PTPRD: variants seen among roughly 807,000 people sequenced by gnomAD.
PTPRD encodes the protein protein tyrosine phosphatase receptor type D, also known as receptor-type tyrosine-protein phosphatase delta.
PTPRD carries 34 observed loss-of-function variants against 214.5 expected under a neutral mutation model. The observed-to-expected ratio is 0.16, with a 90% CI of 0.12 to 0.21. PTPRD has a LOEUF of 0.21. Among genes scored for constraint, PTPRD ranks in the 10% least tolerant of loss-of-function variants. The pLI is 1.00. For synonymous variants in PTPRD, 1,128 were observed against 845.7 expected (o/e 1.33, Z -5.79); for missense variants, 2,545 against 2,398.7 (o/e 1.06, Z -1.27).
At chr9:10,083,200 G>A (rs1042184851) in intron 3 of PTPRD, among the ~76,000 whole-genome samples, 1 of 151,832 alleles carries the variant, frequency 6.6e-6, no homozygotes. Context: ...TATTTCTTAT[G>A]ATAGAGCCTA....
intron 2 of PTPRD, among the ~76,000 whole-genome samples, chr9:10,546,242 T>C (rs569772178): frequency 1.2e-4 from 18 of 152,198 alleles, no homozygotes; most frequent in East Asian, 7.7e-4. Context: ...GGAAAGTAGC[T>C]GTTCTTAGTT....
chr9:9,485,908 T>G (rs1392077533), intron 8 of PTPRD, among the ~76,000 whole-genome samples: 1 of 151,936 alleles, frequency 6.6e-6, no homozygotes, highest in Non-Finnish European at 1.5e-5. Context: ...ATCCCAGCAC[T>G]TTGGGAGGCC....
At chr9:8,976,923 T>A (rs2099271074) in intron 11 of PTPRD, among the ~76,000 whole-genome samples, 1 of 152,094 alleles carries the variant, frequency 6.6e-6, no homozygotes, top group Non-Finnish European at 1.5e-5. Context: ...CTGACTTTTC[T>A]TCAAAGCTTC....
chr9:9,494,290 T>TAAA (rs1356907435), intron 8 of PTPRD, among the ~76,000 whole-genome samples: 3 of 152,334 alleles, frequency 2.0e-5, no homozygotes, highest in Admixed American at 2.0e-4. Flanking sequence ...AGCAGTGACA[T>TAAA]GATTTGAGAA....
chr9:8,471,919 G>A (rs976238171), intron 30 of PTPRD, among the ~76,000 whole-genome samples: 1 of 152,078 alleles, frequency 6.6e-6, no homozygotes, highest in Non-Finnish European at 1.5e-5. Flanking sequence ...CTGATCTTTA[G>A]TAGTAACTAT....
intron 3 of PTPRD, among the ~76,000 whole-genome samples, chr9:10,147,102 G>C (rs1425501282): frequency 1.3e-5 from 2 of 152,038 alleles, no homozygotes; most frequent in Non-Finnish European, 2.9e-5. Flanking sequence ...TTACTTACAG[G>C]GGACACTATA....
chr9:9,000,302 T>C (rs2099412935), intron 11 of PTPRD, among the ~76,000 whole-genome samples: 1 of 152,008 alleles, frequency 6.6e-6, no homozygotes, highest in African/African-American at 2.4e-5. Context: ...AACAGCACCA[T>C]CCTCTGACTT....
chr9:10,534,360 C>T (rs921031160), intron 2 of PTPRD, among the ~76,000 whole-genome samples: 3 of 151,766 alleles, frequency 2.0e-5, no homozygotes, highest in African/African-American at 7.3e-5. Flanking sequence ...TTACTTCACC[C>T]ATTATTAACT....
At chr9:9,810,720 C>G (rs944602075) in intron 5 of PTPRD, among the ~76,000 whole-genome samples, 1 of 151,950 alleles carries the variant, frequency 6.6e-6, no homozygotes, top group Non-Finnish European at 1.5e-5. Flanking sequence ...TTTATGCCTG[C>G]TAACACAATA....
chr9:10,417,821 G>C (rs1238146014), intron 2 of PTPRD, among the ~76,000 whole-genome samples: 1 of 151,744 alleles, frequency 6.6e-6, no homozygotes, highest in Admixed American at 6.6e-5. Flanking sequence ...AAGCGATCTA[G>C]TCTTCACTGT....
chr9:9,694,267 G>A (rs1290450034), intron 7 of PTPRD, among the ~76,000 whole-genome samples: 2 of 151,574 alleles, frequency 1.3e-5, no homozygotes, highest in African/African-American at 4.8e-5. Flanking sequence ...TATGCAAAGG[G>A]TCTTGAACCC....
intron 35 of PTPRD, among the ~76,000 whole-genome samples, chr9:8,434,936 C>T (rs932804273): frequency 7.2e-5 from 11 of 152,122 alleles, no homozygotes; most frequent in Non-Finnish European, 1.3e-4. Context: ...AAGCTGCGAC[C>T]ATTTGAGAAA....
At position 8,370,235 on chromosome 9, in the gene PTPRD, C is replaced by T. The variant is rs201085694; in HGVS notation, c.4661+5701G>A. 5.5e-3 allele frequency among the ~76,000 whole-genome samples: 316 copies of T among 57,608 alleles called. 1 individual carries two copies. Among genetic ancestry groups the T allele is most frequent in the Admixed American group, 0.02 (172 of 8,436 alleles). 37.8% of individuals were successfully genotyped at this position (57,608 alleles called of 152,430 possible). A position where few individuals can be genotyped will look rare whatever the true frequency, so the allele number is the denominator to read the frequency against. On this transcript the variant is annotated intron_variant, in intron 39 of 45. Transcript: ENST00000381196. ...ACACACACACACACACACACACACA[C>T]ACATATATATATATGTGCTGTGAAG...
rs748957002 is a variant in PTPRD, at chr9:8,436,640, A to T, written c.4038T>A (p.Ile1346=). The T allele has an allele frequency of 1.9e-6, 3 of 1,613,508 alleles. No homozygotes were observed. Among genetic ancestry groups the T allele is most frequent in the Non-Finnish European group, 2.5e-6 (3 of 1,179,760 alleles). ...AGTTGTCATTTGCTTTCAATCTTTC[A>T]ATGTGGTCTGCAAGTTCCAAGATGG... The part of the protein sequence containing the change: ...PIPILELADH[I]ERLKANDNLK... Residue 1346 remains isoleucine, a synonymous_variant, in exon 35 of 46, where the codon ATT becomes ATA. Transcript: ENST00000381196.
intron 39 of PTPRD, among the ~76,000 whole-genome samples, chr9:8,370,219 C>A (rs369058886): frequency 1.5e-5 from 1 of 65,858 alleles, no homozygotes; most frequent in Non-Finnish European, 5.5e-5. Flanking sequence ...CACACACACA[C>A]ACACACACAC....
chr9:8,568,165 A>G (rs950857483), intron 14 of PTPRD, among the ~76,000 whole-genome samples: 1 of 152,184 alleles, frequency 6.6e-6, no homozygotes, highest in Non-Finnish European at 1.5e-5. Context: ...TTTAGTCAGC[A>G]AAATGTTTTA....
chr9:9,730,386 G>A (rs2098167697), intron 7 of PTPRD, among the ~76,000 whole-genome samples: 1 of 152,052 alleles, frequency 6.6e-6, no homozygotes, highest in Non-Finnish European at 1.5e-5. Flanking sequence ...GAAGGGTTAA[G>A]TGGGTTTCTA....
At chr9:10,367,404 C>T (rs2154475049) in intron 2 of PTPRD, among the ~76,000 whole-genome samples, 1 of 152,198 alleles carries the variant, frequency 6.6e-6, no homozygotes, top group Admixed American at 6.5e-5. Flanking sequence ...CACTTCCTTG[C>T]CTACCTCTTT....
At chr9:9,873,613 A>T (rs181148752) in intron 5 of PTPRD, among the ~76,000 whole-genome samples, 86 of 152,320 alleles carry the variant, frequency 5.6e-4, no homozygotes, top group African/African-American at 1.9e-3. Flanking sequence ...CATTAATGCC[A>T]TGCCTATAGT....
Sources: allele counts gnomAD v4.1 joint callset (sites outside exome capture counted in the v4.1 genomes callset), GRCh38; gene constraint gnomAD v4.1.1; transcripts MANE v1.5; gene names NCBI Gene and HGNC (gene_info 2026-07-23, HGNC 2026-07-21).